ZNF385B: variants seen among roughly 807,000 people sequenced by gnomAD.
The protein encoded by ZNF385B is zinc finger protein 533.
A neutral mutation model predicts 39.2 loss-of-function variants in ZNF385B; 23 were observed. That is an observed-to-expected ratio of 0.59 (90% CI 0.42 to 0.83). The LOEUF (loss-of-function observed/expected upper bound fraction) is 0.83. Among genes scored for constraint, ZNF385B ranks in the 40% least tolerant of loss-of-function variants. The pLI, the probability that ZNF385B is intolerant of heterozygous loss-of-function variation, is 0.00. For synonymous variants in ZNF385B, 205 were observed against 222.6 expected, an observed-to-expected ratio of 0.92 and a Z score of 0.70; for missense variants, 552 against 598.9, an observed-to-expected ratio of 0.92 and a Z score of 0.82.
At chr2:179,730,135 G>A (rs1320181730) in intron 3 of ZNF385B, among the ~76,000 whole-genome samples, 1 of 152,102 alleles carries the variant, frequency 6.6e-6, no homozygotes, top group African/African-American at 2.4e-5. Context: ...ACTGCATTGG[G>A]ACAATTTTAA....
At chr2:179,510,735 T>C (rs2057616418) in intron 5 of ZNF385B, among the ~76,000 whole-genome samples, 1 of 152,108 alleles carries the variant, frequency 6.6e-6, no homozygotes, top group Admixed American at 6.6e-5. Flanking sequence ...TTGTTGCATT[T>C]TTGTGCCAGA....
intron 1 of ZNF385B, among the ~76,000 whole-genome samples, chr2:179,840,303 C>T (rs1454628800): frequency 6.6e-6 from 1 of 152,170 alleles, no homozygotes; most frequent in African/African-American, 2.4e-5. Flanking sequence ...TTTCTTGCCA[C>T]CCTAAGTTCT....
chr2:179,532,435 A>T (rs961046367), intron 4 of ZNF385B, among the ~76,000 whole-genome samples: 9 of 152,214 alleles, frequency 5.9e-5, no homozygotes, highest in African/African-American at 2.2e-4. Context: ...AGAGAAACCT[A>T]CATGAACCAC....
chr2:179,506,513 T>G (rs888373993), intron 5 of ZNF385B, among the ~76,000 whole-genome samples: 2 of 152,128 alleles, frequency 1.3e-5, no homozygotes, highest in African/African-American at 4.8e-5. Context: ...TTATCTAAAC[T>G]CTATATTGTA....
chr2:179,651,127 T>G (rs1184045331), intron 3 of ZNF385B, among the ~76,000 whole-genome samples: 1 of 147,924 alleles, frequency 6.8e-6, no homozygotes, highest in Non-Finnish European at 1.5e-5. Context: ...GAATACATGT[T>G]TTCTCCCAAG....
At position 179,756,888 on chromosome 2, in the gene ZNF385B, C is replaced by G. The variant is rs951898847; in HGVS notation, c.298+12615G>C. Among the ~76,000 whole-genome samples the G allele has an allele frequency of 9.9e-5, 15 of 152,100 alleles. 1 individual carries two copies. The highest frequency in any genetic ancestry group is 3.6e-4 in the African/African-American group (15 of 41,406). On this transcript the variant is annotated intron_variant, in intron 3 of 9. Transcript: ENST00000410066. ...TGTAATCTTTTTTCAAGGTTTTTAG[C>G]TTCTTTACAATGGGTTTGAACTTTC...
At chr2:179,856,504 C>T (rs914492204) in intron 1 of ZNF385B, among the ~76,000 whole-genome samples, 1 of 151,964 alleles carries the variant, frequency 6.6e-6, no homozygotes, top group African/African-American at 2.4e-5. Flanking sequence ...GCTTGAGTCT[C>T]CTGCGCCCTA....
chr2:179,608,842 CTGTGTGTGTG>C (rs60633100), intron 3 of ZNF385B, among the ~76,000 whole-genome samples: 6,081 of 134,608 alleles, frequency 0.045, 142 homozygotes, highest in African/African-American at 0.062. Flanking sequence ...AGGGCCAAGA[CTGTGTGTGTG>C]TGTGTGTGTG....
intron 4 of ZNF385B, among the ~76,000 whole-genome samples, chr2:179,526,509 C>T (rs975409337): frequency 8.6e-5 from 13 of 151,950 alleles, no homozygotes; most frequent in Non-Finnish European, 1.8e-4. Flanking sequence ...GCAGGAGAAT[C>T]GCTTGAACCC....
intron 5 of ZNF385B, among the ~76,000 whole-genome samples, chr2:179,496,226 T>G (rs957326765): frequency 6.6e-6 from 1 of 152,074 alleles, no homozygotes; most frequent in Non-Finnish European, 1.5e-5. Context: ...AATAGCAGAA[T>G]TGATGAAGCA....
intron 3 of ZNF385B, among the ~76,000 whole-genome samples, chr2:179,623,334 T>C (rs1690380570): frequency 6.6e-6 from 1 of 152,122 alleles, no homozygotes; most frequent in Admixed American, 6.5e-5. Flanking sequence ...ATTCTGCACC[T>C]TCATAAGTTT....
intron 3 of ZNF385B, among the ~76,000 whole-genome samples, chr2:179,643,084 T>C (rs72969215): frequency 0.064 from 9,752 of 151,802 alleles, 423 homozygotes; most frequent in Non-Finnish European, 0.089. Context: ...AGACATTTTC[T>C]CAAAAATAAA....
chr2:179,575,910 A>G (rs1176931571), intron 3 of ZNF385B, among the ~76,000 whole-genome samples: 1 of 152,174 alleles, frequency 6.6e-6, no homozygotes, highest in African/African-American at 2.4e-5. Flanking sequence ...TTAAAAATCT[A>G]TTAGAATTTC....
chr2:179,820,427 T>C (rs902090447), intron 1 of ZNF385B, among the ~76,000 whole-genome samples: 1 of 152,042 alleles, frequency 6.6e-6, no homozygotes, highest in Non-Finnish European at 1.5e-5. Flanking sequence ...CATTGTTTGA[T>C]TTTAAACCAG....
chr2:179,710,414 G>A (rs537191614), intron 3 of ZNF385B, among the ~76,000 whole-genome samples: 1 of 152,158 alleles, frequency 6.6e-6, no homozygotes, highest in South Asian at 2.1e-4. Context: ...ATGGAGGAAG[G>A]GCCTAGAACA....
chr2:179,762,669 G>A (rs1190905226), intron 3 of ZNF385B, among the ~76,000 whole-genome samples: 1 of 152,120 alleles, frequency 6.6e-6, no homozygotes. Flanking sequence ...AAAATAATGT[G>A]TTGTCTGATT....
At chr2:179,821,056 G>A (rs998287416) in intron 1 of ZNF385B, among the ~76,000 whole-genome samples, 2 of 152,060 alleles carry the variant, frequency 1.3e-5, no homozygotes, top group African/African-American at 4.8e-5. Context: ...AGTTTTCAAT[G>A]AATACTTTTT....
intron 1 of ZNF385B, among the ~76,000 whole-genome samples, chr2:179,789,021 A>G (rs1705169733): frequency 6.6e-6 from 1 of 152,120 alleles, no homozygotes; most frequent in African/African-American, 2.4e-5. Context: ...TTGTCCTTTT[A>G]TAATTGATCT....
intron 1 of ZNF385B, among the ~76,000 whole-genome samples, chr2:179,847,564 C>T (rs1000477147): frequency 1.3e-5 from 2 of 152,174 alleles, no homozygotes; most frequent in South Asian, 2.1e-4. Flanking sequence ...GTCTCCACTC[C>T]ACCTTGGAGA....
Sources: allele counts gnomAD v4.1 joint callset (sites outside exome capture counted in the v4.1 genomes callset), GRCh38; gene constraint gnomAD v4.1.1; transcripts MANE v1.5; gene names NCBI Gene and HGNC (gene_info 2026-07-23, HGNC 2026-07-21).